Variants in ADAM7 observed in about 807,000 individuals in gnomAD.
ADAM7 encodes the protein disintegrin and metalloproteinase domain-containing protein 7.
In ADAM7, 97 loss-of-function variants were observed where a neutral mutation model predicts 102.9. That is an observed-to-expected ratio of 0.94 (90% CI 0.80 to 1.12). ADAM7 has a LOEUF of 1.12. ADAM7 is among the 50% of genes most tolerant of loss of function. The probability of loss-of-function intolerance (pLI) is 0.00; values close to 1 mark genes in which losing one functional copy is unlikely to be tolerated. For missense variants in ADAM7, 991 were observed against 908.7 expected (o/e 1.09, Z -1.16); for synonymous variants, 334 against 304.4 (o/e 1.10, Z -1.01).
At chr8:24,472,122 CA>C (rs55708871) in intron 7 of ADAM7, among the ~76,000 whole-genome samples, 12,487 of 102,684 alleles carry the variant, frequency 0.12, 609 homozygotes, top group East Asian at 0.19. Flanking sequence ...AAAAAGATAA[CA>C]AAAAAAAAAA....
chr8:24,450,714 C>A (rs991199400), intron 3 of ADAM7, among the ~76,000 whole-genome samples: 4 of 151,408 alleles, frequency 2.6e-5, no homozygotes, highest in Admixed American at 6.6e-5. Flanking sequence ...GAGAGGGCAT[C>A]CCTGTCTTGT....
At chr8:24,455,266 T>G (rs1191938170) in intron 3 of ADAM7, among the ~76,000 whole-genome samples, 2 of 152,222 alleles carry the variant, frequency 1.3e-5, no homozygotes, top group Non-Finnish European at 2.9e-5. Context: ...TTCTGTTTTA[T>G]ATCATCTTTC....
At position 24,491,979 on chromosome 8, in the gene ADAM7, C is replaced by T; in HGVS notation, c.1433C>T (p.Pro478Leu). 2 of 1,613,956 alleles carry T rather than the reference C, an allele frequency of 1.2e-6. No individual in the cohort carries two copies. Among genetic ancestry groups the T allele is most frequent in the Non-Finnish European group, 1.7e-6 (2 of 1,179,864 alleles). Reference sequence around the variant, plus strand: ...CCTGAGATGTGCACTGGCCACTCGCCTGCCTGTCCTAAGGACCAGTTCAGG... The same window carrying T: ...CCTGAGATGTGCACTGGCCACTCGCTTGCCTGTCCTAAGGACCAGTTCAGG... ...DFPEMCTGHS[P>L]ACPKDQFRVN... The change falls in exon 14 of 22, where the codon CCT becomes CTT. Residue 478 changes from proline to leucine, a missense_variant. Transcript: ENST00000175238.
intron 3 of ADAM7, among the ~76,000 whole-genome samples, chr8:24,453,598 T>C (rs1409921876): frequency 6.6e-6 from 1 of 152,200 alleles, no homozygotes; most frequent in African/African-American, 2.4e-5. Flanking sequence ...TGGTTTGAAT[T>C]TCCTCCTGTA....
chr8:24,504,635 A>C (rs1820888774), intron 20 of ADAM7, among the ~76,000 whole-genome samples: 1 of 152,136 alleles, frequency 6.6e-6, no homozygotes, highest in Admixed American at 6.6e-5. Context: ...TTTTAAAATC[A>C]GGATATTTTT....
In ADAM7 at chr8:24,450,548, G is replaced by T. The variant is rs553593282; in HGVS notation, c.233+3286G>T. On this transcript the variant is annotated intron_variant, in intron 3 of 21. Coordinates refer to ENST00000175238, the MANE Select transcript of ADAM7 (RefSeq NM_003817.4). Reference sequence around the variant, plus strand: ...TTGCTTATCAGCTTAAGGAGATTTTGGGCTGAGACAATGGGGTTTTCTAGA... The same window carrying T: ...TTGCTTATCAGCTTAAGGAGATTTTTGGCTGAGACAATGGGGTTTTCTAGA... 7.9e-5 allele frequency among the ~76,000 whole-genome samples: 12 copies of T among 152,160 alleles called. No individual in the cohort carries two copies. In the South Asian group the frequency reaches 2.5e-3, roughly 32 times the overall value.
Position 24,463,871 on chromosome 8 carries a change from C to T in ADAM7, c.234-11C>T. ...GAACAAATCTCACCACCTGTCTGCC[C>T]TCTTTTTCAGGGAGTTCCTAGGCTC... is the stretch of plus-strand genomic sequence containing the variant. On this transcript the variant is annotated splice_polypyrimidine_tract_variant and intron_variant, in intron 3 of 21. Coordinates refer to ENST00000175238, the MANE Select transcript of ADAM7 (RefSeq NM_003817.4). The T allele has an allele frequency of 2.5e-6, 4 of 1,611,098 alleles. No homozygotes were observed. Among genetic ancestry groups the T allele is most frequent in the Non-Finnish European group, 3.4e-6 (4 of 1,177,686 alleles).
At chr8:24,464,776 T>G (rs1036221677) in intron 4 of ADAM7, among the ~76,000 whole-genome samples, 1 of 140,962 alleles carries the variant, frequency 7.1e-6, no homozygotes, top group Non-Finnish European at 1.5e-5. Context: ...AATTTTTGTA[T>G]TTTTAGTAGA....
intron 7 of ADAM7, among the ~76,000 whole-genome samples, chr8:24,470,452 G>A (rs915142155): frequency 6.6e-6 from 1 of 151,806 alleles, no homozygotes; most frequent in African/African-American, 2.4e-5. Flanking sequence ...AAGGGTAGAG[G>A]GAAATAGGTG....
Position 24,491,905 on chromosome 8 carries a change from A to G in ADAM7, c.1359A>G (p.Ile453Met). The change falls in exon 14 of 22, where the codon ATA (isoleucine) becomes ATG (methionine). Residue 453 changes from isoleucine (I) to methionine (M), a missense_variant and splice_region_variant. Transcript: ENST00000175238. The part of the protein sequence containing the change: ...AEGECCESCQ[I>M]KKAGSICRPA... Reference sequence around the variant, plus strand: ...GTCTCTTTGTTTTTCCTCAACAGATAAAAAAAGCAGGGTCCATATGCAGAC... The same window carrying G: ...GTCTCTTTGTTTTTCCTCAACAGATGAAAAAAGCAGGGTCCATATGCAGAC... The G allele has an allele frequency of 1.9e-6, 3 of 1,593,432 alleles. 1 individual carries two copies. Among genetic ancestry groups the G allele is most frequent in the South Asian group, 2.3e-5 (2 of 87,806 alleles).
chr8:24,499,122 T>G (rs1820658867), intron 16 of ADAM7, 114 bp from the exon 17 acceptor site: 1 of 739,994 alleles, frequency 1.4e-6, no homozygotes, highest in Admixed American at 3.3e-5. Context: ...TAAATTGAAA[T>G]TTTTCATATG....
rs1216704885 is a variant in ADAM7, at chr8:24,489,298, G to A, written c.1231G>A (p.Asp411Asn). The A allele has an allele frequency of 6.2e-7, 1 of 1,613,382 alleles. No homozygotes were observed. The highest frequency in any genetic ancestry group is 8.5e-7 in the Non-Finnish European group (1 of 1,179,610). The change falls in exon 12 of 22, where the codon GAT (aspartate) becomes AAT (asparagine). Residue 411 changes from aspartate to asparagine, a missense_variant. Transcript: ENST00000175238. The stretch of plus-strand genomic sequence containing the variant: ...CCAATTTTGTGGAAACAAGAAGTTG[G>A]ATGAGGGTGAAGAGTGTGACTGTGG... Reference protein sequence around the residue: ...DFQFCGNKKLDEGEECDCGPA... With the variant: ...DFQFCGNKKLNEGEECDCGPA...
chr8:24,489,329 C>G lies in ADAM7; in HGVS notation c.1262C>G (p.Ala421Gly). ...DEGEECDCGP[A>G]QECTNPCCDA... ...GGTGAAGAGTGTGACTGTGGCCCTG[C>G]TCAGGTATTTGCAAATGAAGCTATC... Residue 421 changes from alanine to glycine, a missense_variant, in exon 12 of 22, where the codon GCT becomes GGT. Coordinates refer to ENST00000175238, the MANE Select transcript of ADAM7 (RefSeq NM_003817.4). 1 of 1,605,838 alleles carries G rather than the reference C, an allele frequency of 6.2e-7. No individual in the cohort carries two copies. The highest frequency in any genetic ancestry group is 8.5e-7 in the Non-Finnish European group (1 of 1,176,576).
At chr8:24,447,485 T>A (rs1474346453) in intron 3 of ADAM7, among the ~76,000 whole-genome samples, 2 of 152,150 alleles carry the variant, frequency 1.3e-5, no homozygotes, top group African/African-American at 4.8e-5. Context: ...AACTCCCTAC[T>A]TTGAATACTT....
At chr8:24,468,848 T>C in intron 7 of ADAM7, 28 bp downstream of exon 7, 30 of 1,586,224 alleles carry the variant, frequency 1.9e-5, no homozygotes, top group Non-Finnish European at 2.5e-5. Context: ...CATTTCTCTC[T>C]TTATTCTTCC....
In ADAM7 at chr8:24,458,989, G is replaced by GT. The variant is rs553322387; in HGVS notation, c.234-4888dup. On this transcript the variant is annotated intron_variant, in intron 3 of 21. Transcript: ENST00000175238. The stretch of plus-strand genomic sequence containing the variant: ...ATTATGTTACTGATGGCTATTCTGT[G>GT]TTTTTAGTTTTTGCAATAGATTTGT... 2.2e-4 allele frequency among the ~76,000 whole-genome samples: 34 copies of GT among 151,892 alleles called. 2 individuals are homozygous for GT. In the South Asian group the frequency reaches 7.0e-3, roughly 31 times the overall value.
At chr8:24,443,440 C>T (rs1055621903) in intron 2 of ADAM7, among the ~76,000 whole-genome samples, 2 of 152,170 alleles carry the variant, frequency 1.3e-5, no homozygotes, top group African/African-American at 4.8e-5. Flanking sequence ...TCCGTCTCCT[C>T]CCGTTTGGAA....
At chr8:24,503,741 C>G (rs1020749089) in intron 20 of ADAM7, among the ~76,000 whole-genome samples, 3 of 152,032 alleles carry the variant, frequency 2.0e-5, no homozygotes, top group African/African-American at 7.2e-5. Context: ...ATGGATGAAG[C>G]TGGAAACCAT....
chr8:24,442,625 T>C, intron 2 of ADAM7, 49 bp downstream of exon 2: 3 of 1,433,626 alleles, frequency 2.1e-6, no homozygotes, highest in South Asian at 1.1e-5. Context: ...CACAGGCATG[T>C]AGACAGTTGT....
Sources: gnomAD v4.1 joint callset for allele counts (sites outside exome capture counted in the v4.1 genomes callset) on GRCh38, gnomAD v4.1.1 for gene constraint, MANE v1.5 for transcripts, NCBI Gene and HGNC (gene_info 2026-07-23, HGNC 2026-07-21) for gene names.